ABCA13: variants seen among roughly 807,000 people sequenced by gnomAD.
ABCA13 encodes ATP binding cassette subfamily A member 13.
A neutral mutation model predicts 478.7 loss-of-function variants in ABCA13; 476 were observed. That is an observed-to-expected ratio of 0.99 (90% CI 0.92 to 1.07). The LOEUF (loss-of-function observed/expected upper bound fraction) is 1.07. Ranked by LOEUF, ABCA13 falls within the 50% of genes least tolerant of loss-of-function variation. ABCA13 has a pLI of 0.00. For synonymous variants in ABCA13, 2,252 were observed against 2,158.9 expected (o/e 1.04, Z -1.20); for missense variants, 6,060 against 5,910.6 (o/e 1.03, Z -0.83).
chr7:48,443,759 C>T (rs779485410), intron 42 of ABCA13, among the ~76,000 whole-genome samples: 6 of 152,262 alleles, frequency 3.9e-5, no homozygotes, highest in Admixed American at 6.5e-5. Flanking sequence ...CTCGTGCCTC[C>T]GGTTCCTCCT....
intron 19 of ABCA13, among the ~76,000 whole-genome samples, chr7:48,285,345 G>A (rs1234149057): frequency 6.6e-6 from 1 of 152,218 alleles, no homozygotes; most frequent in Non-Finnish European, 1.5e-5. Flanking sequence ...AAGGGCTGGA[G>A]CCAGGGATTG....
At chr7:48,498,129 A>AAAACC (rs1830436536) in intron 48 of ABCA13, among the ~76,000 whole-genome samples, 1 of 152,126 alleles carries the variant, frequency 6.6e-6, no homozygotes, top group Admixed American at 6.5e-5. Context: ...CCCCAGTGAG[A>AAAACC]AAACCACTGT....
chr7:48,441,548 C>T (rs1823589423), intron 42 of ABCA13, among the ~76,000 whole-genome samples: 1 of 152,106 alleles, frequency 6.6e-6, no homozygotes, highest in African/African-American at 2.4e-5. Flanking sequence ...ATCATAGGGA[C>T]CCTAGTAGCT....
chr7:48,183,537 C>T (rs1369377973), intron 1 of ABCA13, among the ~76,000 whole-genome samples: 1 of 152,160 alleles, frequency 6.6e-6, no homozygotes, highest in African/African-American at 2.4e-5. Flanking sequence ...GTTATGCAAA[C>T]GAACTACTTA....
intron 55 of ABCA13, among the ~76,000 whole-genome samples, chr7:48,529,412 A>C (rs1013037549): frequency 6.6e-6 from 1 of 151,934 alleles, no homozygotes; most frequent in African/African-American, 2.4e-5. Context: ...CCAGGCATCT[A>C]TCTTTCTTTT....
At chr7:48,351,035 C>T (rs943494593) in intron 30 of ABCA13, among the ~76,000 whole-genome samples, 11 of 152,138 alleles carry the variant, frequency 7.2e-5, no homozygotes, top group African/African-American at 2.7e-4. Flanking sequence ...TACCTTATGC[C>T]ATAGTGACTA....
At chr7:48,456,808 G>GT (rs34154306) in intron 43 of ABCA13, among the ~76,000 whole-genome samples, 140 of 148,500 alleles carry the variant, frequency 9.4e-4, no homozygotes, top group East Asian at 5.5e-3. Flanking sequence ...TTATTTATTT[G>GT]TTTTTTTTTT....
chr7:48,334,360 A>G (rs1805882312), intron 27 of ABCA13, among the ~76,000 whole-genome samples: 1 of 143,008 alleles, frequency 7.0e-6, no homozygotes. Flanking sequence ...TTTGAGATGG[A>G]GTCTTGCTCT....
At chr7:48,177,257 A>G (rs1795001909) in intron 1 of ABCA13, among the ~76,000 whole-genome samples, 1 of 152,228 alleles carries the variant, frequency 6.6e-6, no homozygotes, top group African/African-American at 2.4e-5. Context: ...GGATTTACTA[A>G]GGGAATCAGC....
chr7:48,624,440 T>A (rs1465367556), intron 59 of ABCA13, among the ~76,000 whole-genome samples: 1 of 152,152 alleles, frequency 6.6e-6, no homozygotes, highest in African/African-American at 2.4e-5. Context: ...AAATAAAACA[T>A]GCTTCTGAAG....
chr7:48,290,062 A>T (rs1221558815), intron 20 of ABCA13, among the ~76,000 whole-genome samples: 2 of 152,250 alleles, frequency 1.3e-5, no homozygotes, highest in African/African-American at 4.8e-5. Flanking sequence ...AGCAACATGG[A>T]ATTCCCATTT....
chr7:48,297,308 G>A lies in ABCA13; in HGVS notation c.9196G>A (p.Glu3066Lys), dbSNP rs1228944937. The change falls in exon 22 of 62, where the codon GAG (glutamate) becomes AAG (lysine). Residue 3066 changes from glutamate to lysine, a missense_variant. Transcript: ENST00000435803. ...TTTTCTCAGCAATTTCACAGTAACT[G>A]AGGGTAAGTATGTGGTTTTCCAAGT... ...MTFLSNFTVTEDVKIKDLMKN... is the reference protein window; with the variant it reads ...MTFLSNFTVTKDVKIKDLMKN... 1.2e-6 allele frequency: 2 copies of A among 1,605,732 alleles called. No individual in the cohort carries two copies. The highest frequency in any genetic ancestry group is 2.7e-5 in the African/African-American group (2 of 74,812).
At chr7:48,371,199 A>G (rs983246167) in intron 32 of ABCA13, among the ~76,000 whole-genome samples, 6 of 152,126 alleles carry the variant, frequency 3.9e-5, no homozygotes, top group African/African-American at 1.4e-4. Flanking sequence ...GTATAGTTTG[A>G]AGTCAGGTAG....
At chr7:48,360,509 C>T (rs1230434586) in intron 31 of ABCA13, among the ~76,000 whole-genome samples, 1 of 151,994 alleles carries the variant, frequency 6.6e-6, no homozygotes, top group Non-Finnish European at 1.5e-5. Context: ...TCTGAGGTTA[C>T]TGAGACATCC....
intron 55 of ABCA13, among the ~76,000 whole-genome samples, chr7:48,574,548 A>G (rs1787977292): frequency 1.3e-5 from 2 of 152,180 alleles, no homozygotes; most frequent in Non-Finnish European, 2.9e-5. Flanking sequence ...ATTAATGAAC[A>G]TCTCAAGCAT....
chr7:48,600,975 G>C (rs1790837077), intron 58 of ABCA13, among the ~76,000 whole-genome samples: 1 of 151,906 alleles, frequency 6.6e-6, no homozygotes. Flanking sequence ...TTGAAACTCT[G>C]ATCTTATCGC....
chr7:48,215,617 A>G (rs1447279679), intron 3 of ABCA13, among the ~76,000 whole-genome samples: 3 of 152,158 alleles, frequency 2.0e-5, no homozygotes, highest in Admixed American at 2.0e-4. Context: ...AAGCATAATA[A>G]AACAAGGTAG....
chr7:48,604,454 G>A (rs1791255225), intron 58 of ABCA13, among the ~76,000 whole-genome samples: 1 of 152,130 alleles, frequency 6.6e-6, no homozygotes. Context: ...TGGTTTCAAA[G>A]AACATCTTTA....
chr7:48,530,972 T>C (rs2131050151), intron 55 of ABCA13, among the ~76,000 whole-genome samples: 1 of 152,360 alleles, frequency 6.6e-6, no homozygotes, highest in East Asian at 1.9e-4. Flanking sequence ...TATTTGGCTG[T>C]GCAGAAGCTT....
Sources: gnomAD v4.1 joint callset for allele counts (sites outside exome capture counted in the v4.1 genomes callset) on GRCh38, gnomAD v4.1.1 for gene constraint, MANE v1.5 for transcripts, NCBI Gene and HGNC (gene_info 2026-07-23, HGNC 2026-07-21) for gene names.